The following FHAD1 variants were observed in gnomAD, a reference collection of about 807,000 sequenced individuals.
FHAD1 encodes the protein forkhead-associated domain-containing protein 1.
A neutral mutation model predicts 191.3 loss-of-function variants in FHAD1; 146 were observed. That is an observed-to-expected ratio of 0.76 (90% CI 0.67 to 0.88). FHAD1 has a LOEUF of 0.88. Ranked by LOEUF, FHAD1 falls within the 40% of genes least tolerant of loss-of-function variation. FHAD1 has a pLI of 0.00. For synonymous variants in FHAD1, 616 were observed against 672.3 expected, an observed-to-expected ratio of 0.92 and a Z score of 1.29; for missense variants, 1,635 against 1,785.8, an observed-to-expected ratio of 0.92 and a Z score of 1.52.
intron 19 of FHAD1, 35 bp from the exon 20 acceptor site, chr1:15,352,842 G>T: frequency 1.4e-6 from 2 of 1,470,176 alleles, no homozygotes; most frequent in Non-Finnish European, 1.9e-6. Flanking sequence ...CCCTTTGAGG[G>T]CACAGGCCCT....
In FHAD1 at chr1:15,272,339, A is replaced by ACCACC; in HGVS notation, c.111_115dup (p.His39ProfsTer38). 1 of 1,550,276 alleles carries ACCACC rather than the reference A, an allele frequency of 6.5e-7. No homozygotes were observed. The highest frequency in any genetic ancestry group is 8.7e-7 in the Non-Finnish European group (1 of 1,145,790). On this transcript the variant is annotated frameshift_variant, in exon 3 of 34. Transcript: ENST00000688493. LOFTEE classifies it high-confidence loss of function. Reference sequence around the variant, plus strand: ...CCGTTGCAGTCTCCTGACATCGACAACCACCATGCACTCATTGAATATAAC... The same window carrying ACCACC: ...CCGTTGCAGTCTCCTGACATCGACAACCACCCCACCATGCACTCATTGAATATAAC...
chr1:15,360,399 G>A, intron 21 of FHAD1, 79 bp from the exon 22 acceptor site: 4 of 1,286,178 alleles, frequency 3.1e-6, no homozygotes, highest in Non-Finnish European at 4.4e-6. Flanking sequence ...TAGCACCTAT[G>A]TGTGTGCCCA....
intron 22 of FHAD1, among the ~76,000 whole-genome samples, chr1:15,362,027 G>C (rs1694976845): frequency 6.7e-6 from 1 of 148,294 alleles, no homozygotes; most frequent in African/African-American, 2.5e-5. Context: ...GAAAGAGAGA[G>C]ATTGAGCTGG....
intron 10 of FHAD1, among the ~76,000 whole-genome samples, chr1:15,319,615 TA>T (rs1268633214): frequency 2.0e-5 from 3 of 151,986 alleles, no homozygotes; most frequent in African/African-American, 7.2e-5. Context: ...AATAATCACT[TA>T]AAAAAATCAA....
At chr1:15,376,001 T>C (rs1364589205) in intron 28 of FHAD1, among the ~76,000 whole-genome samples, 2 of 151,904 alleles carry the variant, frequency 1.3e-5, no homozygotes, top group Non-Finnish European at 2.9e-5. Flanking sequence ...TTCCAGATCA[T>C]GTATGATATT....
At chr1:15,347,225 T>A (rs1022004607) in intron 18 of FHAD1, among the ~76,000 whole-genome samples, 2 of 152,226 alleles carry the variant, frequency 1.3e-5, no homozygotes, top group African/African-American at 4.8e-5. Flanking sequence ...AAAGAGTTAC[T>A]TGAGTCAAAT....
intron 4 of FHAD1, among the ~76,000 whole-genome samples, chr1:15,294,205 G>A (rs1454433138): frequency 6.6e-6 from 1 of 152,208 alleles, no homozygotes; most frequent in Non-Finnish European, 1.5e-5. Flanking sequence ...ATCTGAGGAA[G>A]CCCTTTCCTC....
chr1:15,344,926 C>G (rs1688256730), intron 16 of FHAD1, among the ~76,000 whole-genome samples, 157 bp from the exon 17 acceptor site: 1 of 152,192 alleles, frequency 6.6e-6, no homozygotes, highest in Non-Finnish European at 1.5e-5. Flanking sequence ...GGTCTCCTGA[C>G]TCCAGAGCAC....
intron 19 of FHAD1, among the ~76,000 whole-genome samples, chr1:15,351,967 A>G (rs1437209269): frequency 6.6e-6 from 1 of 152,160 alleles, no homozygotes; most frequent in African/African-American, 2.4e-5. Flanking sequence ...TGTCCCTTGA[A>G]TTAGGATGTT....
intron 5 of FHAD1, among the ~76,000 whole-genome samples, chr1:15,298,743 T>C (rs1406674751): frequency 2.0e-5 from 3 of 152,324 alleles, no homozygotes; most frequent in South Asian, 4.1e-4. Flanking sequence ...TTTGTAGCCA[T>C]TTTTAATCCA....
chr1:15,346,341 C>T (rs989941470), intron 18 of FHAD1, among the ~76,000 whole-genome samples: 6 of 152,172 alleles, frequency 3.9e-5, no homozygotes, highest in South Asian at 2.1e-4. Flanking sequence ...CAGCCTCTCC[C>T]GAAAAGTCAG....
chr1:15,245,148 G>A (rs751555329), upstream of FHAD1, among the ~76,000 whole-genome samples: 42 of 152,164 alleles, frequency 2.8e-4, no homozygotes, highest in East Asian at 9.6e-4. Flanking sequence ...TGAGGGATTC[G>A]CCCGCATGAT....
At chr1:15,261,525 C>T (rs374198039) in intron 2 of FHAD1, among the ~76,000 whole-genome samples, 1 of 152,172 alleles carries the variant, frequency 6.6e-6, no homozygotes, top group Non-Finnish European at 1.5e-5. Context: ...GAACTCTCCC[C>T]TCCCTCTCTC....
At chr1:15,269,011 G>T (rs1654773874) in intron 2 of FHAD1, among the ~76,000 whole-genome samples, 1 of 151,990 alleles carries the variant, frequency 6.6e-6, no homozygotes, top group Non-Finnish European at 1.5e-5. Context: ...CATGGGATCA[G>T]CTGTGATGGC....
At position 15,360,501 on chromosome 1, in the gene FHAD1, C is replaced by G. The variant is rs1211523371; in HGVS notation, c.2760C>G (p.Ile920Met). 5 of 1,551,398 alleles carry G rather than the reference C, an allele frequency of 3.2e-6. No homozygotes were observed. The Admixed American group carries it at 9.8e-5, about 30-fold the overall frequency. The part of the protein sequence containing the change: ...TKMIMVEERL[I>M]LQQKMVKALQ... ...AGATCATGGTGGAAGAGCGGCTAATCCTGCAGCAGAAGATGGTAAAGGCCC... is the reference window on the plus strand; with the variant it reads ...AGATCATGGTGGAAGAGCGGCTAATGCTGCAGCAGAAGATGGTAAAGGCCC... The change falls in exon 22 of 34, where the codon ATC becomes ATG. Residue 920 changes from isoleucine to methionine, a missense_variant. Transcript: ENST00000688493.
chr1:15,372,420 C>G (rs1179575105), intron 26 of FHAD1, among the ~76,000 whole-genome samples: 3 of 152,184 alleles, frequency 2.0e-5, no homozygotes, highest in Non-Finnish European at 4.4e-5. Context: ...CCTTTGCTCT[C>G]CTCTGCGTTC....
chr1:15,270,369 C>A (rs552698478), intron 2 of FHAD1, among the ~76,000 whole-genome samples: 78 of 152,236 alleles, frequency 5.1e-4, no homozygotes, highest in Non-Finnish European at 8.5e-4. Flanking sequence ...TTGAATCAGG[C>A]GAACCTGAGT....
chr1:15,249,519 C>A (rs192804502), intron 1 of FHAD1, among the ~76,000 whole-genome samples: 1 of 152,094 alleles, frequency 6.6e-6, no homozygotes, highest in East Asian at 1.9e-4. Flanking sequence ...TCTTTTTATC[C>A]CTATTAAAGA....
At chr1:15,250,315 G>C (rs913538524) in intron 1 of FHAD1, among the ~76,000 whole-genome samples, 12 of 152,228 alleles carry the variant, frequency 7.9e-5, no homozygotes, top group Non-Finnish European at 1.3e-4. Flanking sequence ...AGTCACTGAA[G>C]TGTTTGTCTT....
Sources: allele counts gnomAD v4.1 joint callset (sites outside exome capture counted in the v4.1 genomes callset), GRCh38; gene constraint gnomAD v4.1.1; transcripts MANE v1.5; gene names NCBI Gene and HGNC (gene_info 2026-07-23, HGNC 2026-07-21).